HS2ST1: variants seen among roughly 807,000 people sequenced by gnomAD.
The protein encoded by HS2ST1 is heparan sulfate 2-O-sulfotransferase 1.
A neutral mutation model predicts 42.9 loss-of-function variants in HS2ST1; 18 were observed. The ratio of observed to expected loss-of-function variants is 0.42; its 90% confidence interval spans 0.29 to 0.62. The LOEUF (loss-of-function observed/expected upper bound fraction) is 0.62, where lower values mean the gene tolerates loss of function less well. Among genes scored for constraint, HS2ST1 ranks in the 20% least tolerant of loss-of-function variants. The pLI, the probability that HS2ST1 is intolerant of heterozygous loss-of-function variation, is 0.21. For synonymous variants in HS2ST1, 146 were observed against 152.9 expected (o/e 0.95, Z 0.33); for missense variants, 334 against 433.8 (o/e 0.77, Z 2.04).
intron 1 of HS2ST1, among the ~76,000 whole-genome samples, chr1:86,956,905 G>A (rs572586749): frequency 6.6e-6 from 1 of 152,166 alleles, no homozygotes; most frequent in Non-Finnish European, 1.5e-5. Context: ...TTGCAAAACA[G>A]ACCTTCTTTC....
intron 1 of HS2ST1, among the ~76,000 whole-genome samples, chr1:86,935,787 A>G (rs1284892428): frequency 6.6e-6 from 1 of 152,020 alleles, no homozygotes; most frequent in East Asian, 1.9e-4. Flanking sequence ...TGTCTCATTT[A>G]CAGAAGTTTC....
intron 1 of HS2ST1, among the ~76,000 whole-genome samples, chr1:86,973,026 A>T (rs571257242): frequency 1.8e-4 from 27 of 152,162 alleles, no homozygotes; most frequent in Non-Finnish European, 3.8e-4. Context: ...GGGGTTCACG[A>T]TGTATGTCTT....
chr1:87,044,274 A>G (rs1209974141), intron 1 of HS2ST1, among the ~76,000 whole-genome samples: 1 of 152,114 alleles, frequency 6.6e-6, no homozygotes, highest in African/African-American at 2.4e-5. Context: ...TAATTTTGTA[A>G]CAAGAATGCA....
At chr1:87,036,424 A>G (rs1290287487) in intron 1 of HS2ST1, among the ~76,000 whole-genome samples, 1 of 152,200 alleles carries the variant, frequency 6.6e-6, no homozygotes, top group Non-Finnish European at 1.5e-5. Context: ...AATTGGGAAG[A>G]TAAGAAATAC....
intron 1 of HS2ST1, chr1:87,045,714 A>G (rs1650636531): frequency 3.6e-6 from 3 of 825,722 alleles, no homozygotes; most frequent in South Asian, 2.7e-5. Context: ...ATTCCCTGCC[A>G]CTGATTTGAT....
intron 3 of HS2ST1, among the ~76,000 whole-genome samples, 169 bp downstream of exon 3, chr1:87,084,448 C>G (rs1338539257): frequency 6.6e-6 from 1 of 152,254 alleles, no homozygotes; most frequent in East Asian, 1.9e-4. Context: ...TTACTGCCCT[C>G]TAGTGTTCAT....
intron 1 of HS2ST1, among the ~76,000 whole-genome samples, chr1:86,961,009 A>C (rs1026683599): frequency 1.3e-5 from 2 of 152,200 alleles, no homozygotes; most frequent in African/African-American, 4.8e-5. Flanking sequence ...CCAAACTTGG[A>C]AGCAACCAAG....
At chr1:86,969,565 G>A (rs1248161943) in intron 1 of HS2ST1, among the ~76,000 whole-genome samples, 1 of 152,086 alleles carries the variant, frequency 6.6e-6, no homozygotes, top group African/African-American at 2.4e-5. Context: ...TTGTATAGAT[G>A]TTACTGAAAC....
intron 1 of HS2ST1, among the ~76,000 whole-genome samples, chr1:86,938,408 C>G (rs1428269261): frequency 3.9e-5 from 6 of 152,050 alleles, no homozygotes; most frequent in Non-Finnish European, 5.9e-5. Flanking sequence ...AATGTCAGTA[C>G]TTTCAATTAA....
At chr1:86,921,449 G>GT (rs1306127266) in intron 1 of HS2ST1, among the ~76,000 whole-genome samples, 1 of 152,022 alleles carries the variant, frequency 6.6e-6, no homozygotes, top group Non-Finnish European at 1.5e-5. Context: ...TACTGCTGTG[G>GT]TGTTAATGTC....
chr1:87,091,845 T>A (rs1651952706), intron 3 of HS2ST1, among the ~76,000 whole-genome samples: 1 of 152,072 alleles, frequency 6.6e-6, no homozygotes, highest in Non-Finnish European at 1.5e-5. Context: ...AATTCTTCAG[T>A]GTTCCATCAA....
intron 1 of HS2ST1, among the ~76,000 whole-genome samples, chr1:87,040,359 C>T (rs1038079893): frequency 2.0e-5 from 3 of 152,102 alleles, no homozygotes; most frequent in Non-Finnish European, 4.4e-5. Flanking sequence ...GTATTCTTTT[C>T]TCATTCTGTT....
At chr1:86,956,026 G>A (rs180971627) in intron 1 of HS2ST1, among the ~76,000 whole-genome samples, 2 of 152,184 alleles carry the variant, frequency 1.3e-5, no homozygotes, top group East Asian at 3.9e-4. Context: ...TAGTTGATCT[G>A]CATATTCTGT....
intron 2 of HS2ST1, 22 bp downstream of exon 2, chr1:87,073,194 C>G: frequency 6.7e-7 from 1 of 1,485,718 alleles, no homozygotes. Flanking sequence ...TTAAGGAATG[C>G]CCAAATATTT....
intron 1 of HS2ST1, among the ~76,000 whole-genome samples, chr1:86,921,060 G>A (rs1301401631): frequency 1.3e-5 from 2 of 151,700 alleles, no homozygotes; most frequent in African/African-American, 2.4e-5. Context: ...TGTTGTACAT[G>A]ATAAATATAT....
At position 87,092,420 on chromosome 1, in the gene HS2ST1, G is replaced by A. The variant is rs914592054; in HGVS notation, c.450-111G>A. 35 of 538,936 alleles carry A rather than the reference G, an allele frequency of 6.5e-5. No homozygotes were observed. The East Asian group carries it at 1.2e-3, about 19-fold the overall frequency. 33.4% of individuals were successfully genotyped at this position (538,936 alleles called of 1,614,324 possible). A position where few individuals can be genotyped will look rare whatever the true frequency, so the allele number is the denominator to read the frequency against. ...ACACAAATTATTTAAATTAATTCAT[G>A]TTCTTTTTTCCTTATAGGACCAGTA... is the stretch of plus-strand genomic sequence containing the variant. On this transcript the variant is annotated intron_variant, in intron 3 of 6. Coordinates refer to ENST00000370550, the MANE Select transcript of HS2ST1 (RefSeq NM_012262.4).
At chr1:87,027,029 A>G (rs1650104673) in intron 1 of HS2ST1, among the ~76,000 whole-genome samples, 1 of 152,188 alleles carries the variant, frequency 6.6e-6, no homozygotes, top group South Asian at 2.1e-4. Flanking sequence ...ATGTATAGAA[A>G]CAATTTCTTC....
At chr1:87,084,636 G>C (rs1451789103) in intron 3 of HS2ST1, among the ~76,000 whole-genome samples, 1 of 152,136 alleles carries the variant, frequency 6.6e-6, no homozygotes, top group Non-Finnish European at 1.5e-5. Flanking sequence ...CTCTCACTAA[G>C]TTATTGGTGC....
At chr1:87,031,019 A>C (rs1650222386) in intron 1 of HS2ST1, among the ~76,000 whole-genome samples, 1 of 152,116 alleles carries the variant, frequency 6.6e-6, no homozygotes, top group African/African-American at 2.4e-5. Context: ...AGCTCACTGA[A>C]GCCTTGATCT....
Sources: allele counts gnomAD v4.1 joint callset (sites outside exome capture counted in the v4.1 genomes callset), GRCh38; gene constraint gnomAD v4.1.1; transcripts MANE v1.5; gene names NCBI Gene and HGNC (gene_info 2026-07-23, HGNC 2026-07-21).